Variants in HHIP observed in about 807,000 individuals in gnomAD.
HHIP encodes the protein hedgehog-interacting protein.
A neutral mutation model predicts 74.0 loss-of-function variants in HHIP; 12 were observed. The ratio of observed to expected loss-of-function variants is 0.16; its 90% CI spans 0.10 to 0.26. HHIP has a LOEUF of 0.26. Among genes scored for constraint, HHIP ranks in the 10% least tolerant of loss-of-function variants. The pLI is 1.00. For missense variants in HHIP, 788 were observed against 845.0 expected (o/e 0.93, Z 0.84); for synonymous variants, 309 against 311.6 (o/e 0.99, Z 0.09).
rs896727289 is a variant in HHIP, at chr4:144,713,608, T to C, written c.1424-617T>C. Among the ~76,000 whole-genome samples the C allele has an allele frequency of 5.9e-5, 9 of 152,122 alleles. No homozygotes were observed. The East Asian group carries it at 1.7e-3, about 29-fold the overall frequency. On this transcript the variant is annotated intron_variant, in intron 8 of 12. Coordinates refer to ENST00000296575, the MANE Select transcript of HHIP (RefSeq NM_022475.3). ...GCACAGAAAGATAGAGACACAAGAC[T>C]ATACACATGTAATCAGGAGTTATTG... is the stretch of plus-strand genomic sequence containing the variant.
intron 4 of HHIP, among the ~76,000 whole-genome samples, chr4:144,694,196 AT>A (rs1352158903): frequency 1.3e-5 from 2 of 151,930 alleles, no homozygotes; most frequent in Admixed American, 1.3e-4. Context: ...TTAGAAAATA[AT>A]TTTTAAAGTA....
rs571692620 is a variant in HHIP, at chr4:144,740,606, T to G, written c.*2649T>G. The G allele has an allele frequency of 8.5e-5, 13 of 152,326 alleles. No individual in the cohort carries two copies. The South Asian group carries it at 2.7e-3, about 32-fold the overall frequency. 9.4% of individuals were successfully genotyped at this position (152,326 alleles called of 1,614,324 possible). On this transcript the variant is annotated 3_prime_UTR_variant, in exon 13 of 13. Coordinates refer to ENST00000296575, the MANE Select transcript of HHIP (RefSeq NM_022475.3). ...TCAAAAATTCTCTTTGACCTTTTCT[T>G]TCAAGTAGATTTTTTTAAATGCATG...
At chr4:144,668,638 GCTA>G (rs1578686088) in intron 4 of HHIP, among the ~76,000 whole-genome samples, 1 of 152,062 alleles carries the variant, frequency 6.6e-6, no homozygotes, top group African/African-American at 2.4e-5. Flanking sequence ...TGTAGTCCCA[GCTA>G]CTCAGGAGGC....
intron 4 of HHIP, among the ~76,000 whole-genome samples, chr4:144,690,541 C>G (rs1729623629): frequency 6.6e-6 from 1 of 152,120 alleles, no homozygotes; most frequent in Non-Finnish European, 1.5e-5. Flanking sequence ...CAAACAAATG[C>G]AAATGCATCA....
In HHIP at chr4:144,718,948, T is replaced by C; in HGVS notation, c.1752T>C (p.Asp584=). 1 of 1,586,242 alleles carries C rather than the reference T, an allele frequency of 6.3e-7. No individual in the cohort carries two copies. The highest frequency in any genetic ancestry group is 8.7e-7 in the Non-Finnish European group (1 of 1,154,980). The part of the protein sequence containing the change: ...THNGKLYKIV[D]PKRPLMPEEC... ...ATGGAAAACTCTACAAAATTGTAGATCCCAAAAGGTGAGATTTCCTTTTAT... is the reference window on the plus strand; with the variant it reads ...ATGGAAAACTCTACAAAATTGTAGACCCCAAAAGGTGAGATTTCCTTTTAT... The change falls in exon 11 of 13, where the codon GAT becomes GAC. Residue 584 remains aspartate (D), a synonymous_variant. Coordinates refer to ENST00000296575, the MANE Select transcript of HHIP (RefSeq NM_022475.3).
intron 2 of HHIP, among the ~76,000 whole-genome samples, chr4:144,655,339 A>G (rs371210482): frequency 6.6e-6 from 1 of 152,326 alleles, no homozygotes; most frequent in African/African-American, 2.4e-5. Context: ...CTTCTGCTTA[A>G]CTGAGCAGGG....
chr4:144,706,390 G>T (rs1190969763), intron 4 of HHIP, 141 bp from the exon 5 acceptor site: 4 of 623,984 alleles, frequency 6.4e-6, no homozygotes, highest in Non-Finnish European at 8.2e-6. Context: ...CCTTTTTTGT[G>T]CAGTAGGCAA....
chr4:144,702,697 A>T (rs917825137), intron 4 of HHIP, among the ~76,000 whole-genome samples: 1 of 151,634 alleles, frequency 6.6e-6, no homozygotes, highest in Non-Finnish European at 1.5e-5. Flanking sequence ...TTTTTAAAGC[A>T]TTACCAAACT....
chr4:144,736,224 C>T (rs763169130), intron 12 of HHIP, among the ~76,000 whole-genome samples: 25 of 151,658 alleles, frequency 1.6e-4, no homozygotes, highest in Admixed American at 1.3e-4. Context: ...CAACCTCCAC[C>T]TCCTGGGTTC....
At chr4:144,717,653 T>C (rs903371056) in intron 10 of HHIP, among the ~76,000 whole-genome samples, 6 of 152,044 alleles carry the variant, frequency 3.9e-5, no homozygotes, top group African/African-American at 1.4e-4. Flanking sequence ...CCTAAAAGAG[T>C]ACCCCATCTG....
At chr4:144,737,234 C>T (rs1019229034) in intron 12 of HHIP, among the ~76,000 whole-genome samples, 1 of 152,128 alleles carries the variant, frequency 6.6e-6, no homozygotes, top group African/African-American at 2.4e-5. Context: ...ATGCTGTCTG[C>T]CCCCTGGAAG....
At chr4:144,729,984 C>T (rs967029389) in intron 11 of HHIP, among the ~76,000 whole-genome samples, 10 of 152,164 alleles carry the variant, frequency 6.6e-5, no homozygotes, top group Admixed American at 3.3e-4. Flanking sequence ...GATTTATCCT[C>T]GTACCTCCGC....
intron 4 of HHIP, among the ~76,000 whole-genome samples, chr4:144,697,984 G>C (rs959635160): frequency 6.6e-6 from 1 of 152,106 alleles, no homozygotes; most frequent in Non-Finnish European, 1.5e-5. Flanking sequence ...ACAGGTAGAT[G>C]ATTTCCGTGT....
At chr4:144,723,717 C>T (rs945839767) in intron 11 of HHIP, among the ~76,000 whole-genome samples, 1 of 152,154 alleles carries the variant, frequency 6.6e-6, no homozygotes, top group African/African-American at 2.4e-5. Context: ...TGTTTAGCAG[C>T]TCCATTGACC....
intron 4 of HHIP, among the ~76,000 whole-genome samples, chr4:144,687,927 T>A (rs1287179605): frequency 1.3e-5 from 2 of 152,068 alleles, no homozygotes; most frequent in African/African-American, 4.8e-5. Context: ...GTTCCAATCT[T>A]GTAAACTAGG....
chr4:144,702,840 TATA>T (rs1730024270), intron 4 of HHIP, among the ~76,000 whole-genome samples: 1 of 152,286 alleles, frequency 6.6e-6, no homozygotes, highest in Admixed American at 6.5e-5. Flanking sequence ...GAAGTACAAT[TATA>T]ATGTGAATAT....
At chr4:144,725,504 A>T (rs906487798) in intron 11 of HHIP, among the ~76,000 whole-genome samples, 1 of 152,210 alleles carries the variant, frequency 6.6e-6, no homozygotes, top group African/African-American at 2.4e-5. Flanking sequence ...ATGATATGAA[A>T]TTAAAACACT....
At chr4:144,693,159 C>T (rs1729721628) in intron 4 of HHIP, among the ~76,000 whole-genome samples, 1 of 152,048 alleles carries the variant, frequency 6.6e-6, no homozygotes, top group Admixed American at 6.6e-5. Context: ...TTCATTTGCC[C>T]TACAATTTAG....
rs1037299157 is a variant in HHIP, at chr4:144,734,864, C to T, written c.1884C>T (p.Gly628=). The change falls in exon 12 of 13, where the codon GGC becomes GGT. Residue 628 remains glycine (G), a synonymous_variant. Transcript: ENST00000296575. ...TPTGKCCCSP[G]WEGDFCRTAK... Reference sequence around the variant, plus strand: ...CGGGAAAGTGCTGCTGCAGTCCAGGCTGGGAGGGGGACTTCTGCAGAACTG... The same window carrying T: ...CGGGAAAGTGCTGCTGCAGTCCAGGTTGGGAGGGGGACTTCTGCAGAACTG... The T allele has an allele frequency of 1.2e-6, 2 of 1,611,838 alleles. No homozygotes were observed. Among genetic ancestry groups the T allele is most frequent in the Non-Finnish European group, 1.7e-6 (2 of 1,178,264 alleles).
Sources: allele counts gnomAD v4.1 joint callset (sites outside exome capture counted in the v4.1 genomes callset), GRCh38; gene constraint gnomAD v4.1.1; transcripts MANE v1.5; gene names NCBI Gene and HGNC (gene_info 2026-07-23, HGNC 2026-07-21).